The following GALNT2 variants were observed in gnomAD, a reference collection of about 807,000 sequenced individuals.
GALNT2 encodes UDP-GalNAc:polypeptide N-acetylgalactosaminyltransferase 2.
Under a neutral mutation model 81.4 loss-of-function variants are expected in GALNT2, and 31 were observed. That is an observed-to-expected ratio of 0.38 (90% CI 0.29 to 0.51). GALNT2 has a LOEUF of 0.51. Among genes scored for constraint, GALNT2 ranks in the 20% least tolerant of loss-of-function variants. The pLI, the probability that GALNT2 is intolerant of heterozygous loss-of-function variation, is 0.87. For synonymous variants in GALNT2, 303 were observed against 287.4 expected (o/e 1.05, Z -0.55); for missense variants, 629 against 765.7 (o/e 0.82, Z 2.11).
upstream of GALNT2, among the ~76,000 whole-genome samples, chr1:230,066,475 A>C (rs1401988912): frequency 1.3e-5 from 2 of 152,234 alleles, no homozygotes; most frequent in Non-Finnish European, 2.9e-5. Flanking sequence ...CACCCACAGA[A>C]AAATGTTCTT....
At chr1:230,169,532 TAGG>T (rs1227643835) in intron 1 of GALNT2, among the ~76,000 whole-genome samples, 1 of 152,216 alleles carries the variant, frequency 6.6e-6, no homozygotes, top group Non-Finnish European at 1.5e-5. Flanking sequence ...GGGATTTAAA[TAGG>T]AGGATTTTTG....
chr1:230,234,580 G>A (rs566356314), intron 3 of GALNT2, among the ~76,000 whole-genome samples: 1 of 152,150 alleles, frequency 6.6e-6, no homozygotes, highest in African/African-American at 2.4e-5. Context: ...TCAAGACCAC[G>A]GGGCATCAAC....
chr1:230,255,464 GA>G (rs1169701897), intron 11 of GALNT2, 120 bp downstream of exon 11: 2 of 1,342,422 alleles, frequency 1.5e-6, no homozygotes, highest in African/African-American at 2.9e-5. Context: ...TTATACAATG[GA>G]ATACCACTTA....
chr1:230,276,796 G>A (rs921302933), intron 15 of GALNT2, among the ~76,000 whole-genome samples: 1 of 152,170 alleles, frequency 6.6e-6, no homozygotes, highest in Non-Finnish European at 1.5e-5. Context: ...ACAAGAGAAG[G>A]CTAGCACCGC....
At chr1:230,134,986 A>G (rs2102817308) in intron 1 of GALNT2, among the ~76,000 whole-genome samples, 1 of 152,358 alleles carries the variant, frequency 6.6e-6, no homozygotes, top group East Asian at 1.9e-4. Context: ...TGAGGCTTAA[A>G]TGAGAGGAAG....
intron 1 of GALNT2, 44 bp from the exon 2 acceptor site, chr1:230,178,174 G>A (rs754797602): frequency 6.8e-7 from 1 of 1,473,172 alleles, no homozygotes; most frequent in Non-Finnish European, 9.5e-7. Context: ...ATGAAGGTGT[G>A]CTTGAAGAAC....
At chr1:230,265,117 G>A in intron 13 of GALNT2, 124 bp from the exon 14 acceptor site, 5 of 1,274,074 alleles carry the variant, frequency 3.9e-6, no homozygotes, top group Non-Finnish European at 4.5e-6. Flanking sequence ...GAGGCACGAT[G>A]CCTAGTCACT....
At chr1:230,185,144 T>G (rs568790512) in intron 2 of GALNT2, among the ~76,000 whole-genome samples, 2 of 152,328 alleles carry the variant, frequency 1.3e-5, no homozygotes, top group East Asian at 3.9e-4. Flanking sequence ...TGTTACCTAC[T>G]TTTTCCATTA....
At chr1:230,130,582 C>T (rs941738636) in intron 1 of GALNT2, among the ~76,000 whole-genome samples, 1 of 152,178 alleles carries the variant, frequency 6.6e-6, no homozygotes, top group East Asian at 1.9e-4. Context: ...ATCAGGAACA[C>T]CGGGCCCTGG....
chr1:230,084,129 G>T (rs903339893), intron 1 of GALNT2, among the ~76,000 whole-genome samples: 1 of 152,220 alleles, frequency 6.6e-6, no homozygotes, highest in Admixed American at 6.5e-5. Flanking sequence ...CGTCCCAGTG[G>T]ACTGTGAGTG....
chr1:230,197,810 G>C (rs1663747954), intron 2 of GALNT2, among the ~76,000 whole-genome samples: 1 of 152,082 alleles, frequency 6.6e-6, no homozygotes, highest in Non-Finnish European at 1.5e-5. Context: ...CTGCTCCTCT[G>C]CTCAAGTCCT....
intron 1 of GALNT2, among the ~76,000 whole-genome samples, chr1:230,097,132 A>G (rs1230270691): frequency 6.6e-6 from 1 of 152,228 alleles, no homozygotes; most frequent in Non-Finnish European, 1.5e-5. Flanking sequence ...CAAACCCTTT[A>G]ATAAAACTGT....
intron 6 of GALNT2, among the ~76,000 whole-genome samples, chr1:230,240,411 G>A (rs560262361): frequency 1.8e-4 from 28 of 152,304 alleles, no homozygotes; most frequent in African/African-American, 6.3e-4. Context: ...GGCCAACATG[G>A]TGAAACCCCG....
At chr1:230,265,419 TGGG>T in intron 14 of GALNT2, 52 bp downstream of exon 14, 1 of 1,611,576 alleles carries the variant, frequency 6.2e-7, no homozygotes, top group South Asian at 1.1e-5. Flanking sequence ...GAGCAGGAGT[TGGG>T]GGGGTCCTGA....
intron 1 of GALNT2, among the ~76,000 whole-genome samples, chr1:230,168,826 A>G (rs1662697826): frequency 2.0e-5 from 3 of 152,356 alleles, no homozygotes; most frequent in Admixed American, 6.5e-5. Context: ...GTAAAGAACC[A>G]GTATTGATAT....
chr1:230,110,706 GC>G (rs1660673895), intron 1 of GALNT2, among the ~76,000 whole-genome samples: 1 of 102,042 alleles, frequency 9.8e-6, no homozygotes, highest in Non-Finnish European at 2.0e-5. Context: ...TCTCAGCTGT[GC>G]TTTTCTGTTT....
chr1:230,203,351 G>A (rs181625278), intron 3 of GALNT2, 61 bp downstream of exon 3: 216 of 1,560,196 alleles, frequency 1.4e-4, no homozygotes, highest in African/African-American at 1.2e-3. Flanking sequence ...CCAGTACGTC[G>A]CTTTCACCTG....
intron 1 of GALNT2, among the ~76,000 whole-genome samples, chr1:230,113,255 G>C (rs538810868): frequency 7.6e-4 from 115 of 152,260 alleles, no homozygotes; most frequent in African/African-American, 2.6e-3. Flanking sequence ...GGCTTGGAGA[G>C]TGAGGAGCTG....
intron 1 of GALNT2, among the ~76,000 whole-genome samples, chr1:230,075,726 C>T (rs6683205): frequency 0.57 from 86,200 of 151,912 alleles, 24,743 homozygotes; most frequent in Middle Eastern, 0.64. Flanking sequence ...AAGTCAGTTA[C>T]GTCGTGTGCA....
Sources: gnomAD v4.1 joint callset for allele counts (sites outside exome capture counted in the v4.1 genomes callset) on GRCh38, gnomAD v4.1.1 for gene constraint, MANE v1.5 for transcripts, NCBI Gene and HGNC (gene_info 2026-07-23, HGNC 2026-07-21) for gene names.